Variants in ANKRD46 observed in about 807,000 individuals in gnomAD.
ANKRD46 encodes the protein ankyrin repeat domain 46.
Under a neutral mutation model 19.8 loss-of-function variants are expected in ANKRD46, and 13 were observed. The ratio of observed to expected loss-of-function variants is 0.66; its 90% CI spans 0.43 to 1.04. The LOEUF is 1.04. Ranked by LOEUF, ANKRD46 falls within the 50% of genes least tolerant of loss-of-function variation. ANKRD46 has a pLI of 0.00. For synonymous variants in ANKRD46, 91 were observed against 106.9 expected (o/e 0.85, Z 0.92); for missense variants, 185 against 274.8 (o/e 0.67, Z 2.31).
Position 100,552,144 on chromosome 8 carries a change from T to G in ANKRD46, c.-131+7567A>C, listed in dbSNP as rs573616235. On this transcript the variant is annotated intron_variant, in intron 1 of 4. Transcript: ENST00000335659. ...CAGCCTGGGTGACAGAGTGAGACTC[T>G]GTCTTAAAAAAAAAAAAAAAAAAAA... is the stretch of plus-strand genomic sequence containing the variant. Among the ~76,000 whole-genome samples the G allele has an allele frequency of 1.2e-3, 168 of 140,648 alleles. 1 individual carries two copies. Among genetic ancestry groups the G allele is most frequent in the Non-Finnish European group, 1.8e-3 (119 of 65,840 alleles). The allele number at this position is 140,648 out of a possible 152,430, so 92.3% of individuals were successfully genotyped here.
At chr8:100,522,904 C>CACAT (rs893944274) in intron 4 of ANKRD46, 133 bp from the exon 5 acceptor site, 8 of 305,716 alleles carry the variant, frequency 2.6e-5, no homozygotes, top group East Asian at 7.5e-5. Context: ...CACACACACA[C>CACAT]ATATATATAT....
intron 1 of ANKRD46, among the ~76,000 whole-genome samples, chr8:100,540,198 A>AG: frequency 6.6e-6 from 1 of 151,948 alleles, no homozygotes; most frequent in South Asian, 2.1e-4. Context: ...TCATGAGTAA[A>AG]AAAAAAAAAG....
Position 100,536,067 on chromosome 8 carries a change from A to G in ANKRD46, c.-130-2756T>C, listed in dbSNP as rs547083660. ...ATTTATGGAAGAACCTGTAGGACCAAGCATTTGCAAGGGCACAGGTGGATG... is the reference window on the plus strand; with the variant it reads ...ATTTATGGAAGAACCTGTAGGACCAGGCATTTGCAAGGGCACAGGTGGATG... On this transcript the variant is annotated intron_variant, in intron 1 of 4. Transcript: ENST00000335659. This position sits in a 1 kb window ranked among gnomAD's most constrained non-coding sequence, Gnocchi z 4.9. Among the ~76,000 whole-genome samples the G allele has an allele frequency of 6.6e-6, 1 of 152,222 alleles. No homozygotes were observed. The highest frequency in any genetic ancestry group is 1.5e-5 in the Non-Finnish European group (1 of 68,004).
rs1201359912 is a variant in ANKRD46, at chr8:100,524,369, A to AT, written c.471-1599dup. On this transcript the variant is annotated intron_variant, in intron 4 of 4. Transcript: ENST00000335659. The surrounding 1 kb of genome is among the most constrained non-coding windows in gnomAD (Gnocchi z 4.3). Reference sequence around the variant, plus strand: ...CTATGAATAAACATGCAAAACTGACATTTTTTAACCTACAACTTTATTTTA... The same window carrying AT: ...CTATGAATAAACATGCAAAACTGACATTTTTTTAACCTACAACTTTATTTTA... Among the ~76,000 whole-genome samples the AT allele has an allele frequency of 2.0e-5, 3 of 152,160 alleles. No homozygotes were observed. The highest frequency in any genetic ancestry group is 2.9e-5 in the Non-Finnish European group (2 of 68,022).
downstream of ANKRD46, among the ~76,000 whole-genome samples, chr8:100,518,802 A>T (rs1031113147): frequency 6.6e-6 from 1 of 152,046 alleles, no homozygotes; most frequent in Non-Finnish European, 1.5e-5. Flanking sequence ...CAGTGAGCCA[A>T]GATTGCACCA....
At chr8:100,512,028 C>T in intron 5 of ANKRD46, among the ~76,000 whole-genome samples, 1 of 152,074 alleles carries the variant, frequency 6.6e-6, no homozygotes, top group East Asian at 1.9e-4. Context: ...CCATCTTAAA[C>T]AAACGAACAA....
intron 4 of ANKRD46, among the ~76,000 whole-genome samples, chr8:100,523,825 G>T (rs181577393): frequency 6.6e-6 from 1 of 152,180 alleles, no homozygotes; most frequent in African/African-American, 2.4e-5. Flanking sequence ...TGTATTTTTG[G>T]TAGAGACAGG....
At position 100,545,348 on chromosome 8, in the gene ANKRD46, C is replaced by T. The variant is rs1220949182; in HGVS notation, c.-130-12037G>A. On this transcript the variant is annotated intron_variant, in intron 1 of 4. Transcript: ENST00000335659. The surrounding 1 kb of genome is among the most constrained non-coding windows in gnomAD (Gnocchi z 4.7). ...GGTGAATGGAGCATGGGGGTGGTTA[C>T]CCCCATGCTGTTCTCATGATAGTGA... Among the ~76,000 whole-genome samples, 1 of 151,962 alleles carries T rather than the reference C, an allele frequency of 6.6e-6. No homozygotes were observed. Among genetic ancestry groups the T allele is most frequent in the Non-Finnish European group, 1.5e-5 (1 of 67,974 alleles).
chr8:100,536,329 T>C lies in ANKRD46; in HGVS notation c.-130-3018A>G, dbSNP rs1282220537. On this transcript the variant is annotated intron_variant, in intron 1 of 4. Transcript: ENST00000335659. The surrounding 1 kb of genome is among the most constrained non-coding windows in gnomAD (Gnocchi z 4.9). Reference sequence around the variant, plus strand: ...CTGACTCTCCTGAAAGGCACTACTCTTAGGAGTGTACCATAGAGAGACAAT... The same window carrying C: ...CTGACTCTCCTGAAAGGCACTACTCCTAGGAGTGTACCATAGAGAGACAAT... Among the ~76,000 whole-genome samples, 2 of 152,076 alleles carry C rather than the reference T, an allele frequency of 1.3e-5. No homozygotes were observed. The highest frequency in any genetic ancestry group is 4.8e-5 in the African/African-American group (2 of 41,416).
intron 1 of ANKRD46, among the ~76,000 whole-genome samples, chr8:100,555,310 T>C (rs945289949): frequency 2.7e-5 from 4 of 150,116 alleles, no homozygotes; most frequent in African/African-American, 9.8e-5. Flanking sequence ...GAAAAAATTC[T>C]ACACCAGAAG....
In ANKRD46 at chr8:100,546,092, T is replaced by C. The variant is rs1389419150; in HGVS notation, c.-130-12781A>G. On this transcript the variant is annotated intron_variant, in intron 1 of 4. Coordinates refer to ENST00000335659, the MANE Select transcript of ANKRD46 (RefSeq NM_001270377.2). This position sits in a 1 kb window ranked among gnomAD's most constrained non-coding sequence, Gnocchi z 4.0. ...AAGCAGAGCATAAAAGTTTGGAAAT[T>C]TGCAGCCTGACTGGTAGAAAAGAAA... Among the ~76,000 whole-genome samples, 1 of 152,212 alleles carries C rather than the reference T, an allele frequency of 6.6e-6. No homozygotes were observed. Among genetic ancestry groups the C allele is most frequent in the African/African-American group, 2.4e-5 (1 of 41,452 alleles).
chr8:100,526,723 T>C (rs1022577355), intron 4 of ANKRD46, among the ~76,000 whole-genome samples: 1 of 152,118 alleles, frequency 6.6e-6, no homozygotes, highest in Non-Finnish European at 1.5e-5. Flanking sequence ...GAGCACATCA[T>C]CTGGCACACG....
At position 100,527,053 on chromosome 8, in the gene ANKRD46, G is replaced by A. The variant is rs374443301; in HGVS notation, c.470+792C>T. Among the ~76,000 whole-genome samples the A allele has an allele frequency of 6.6e-6, 1 of 152,108 alleles. No homozygotes were observed. Among genetic ancestry groups the A allele is most frequent in the Non-Finnish European group, 1.5e-5 (1 of 68,002 alleles). On this transcript the variant is annotated intron_variant, in intron 4 of 4. Transcript: ENST00000335659. The surrounding 1 kb of genome is among the most constrained non-coding windows in gnomAD (Gnocchi z 4.0). ...TAATATGCTACTAGAACTAAGTCTG[G>A]CCTATTAACTTTACCTGTTGAGCCC...
downstream of ANKRD46, among the ~76,000 whole-genome samples, chr8:100,517,442 A>G (rs146930711): frequency 1.2e-4 from 18 of 152,320 alleles, no homozygotes; most frequent in East Asian, 3.3e-3. Flanking sequence ...TCCTCCAAGC[A>G]ATATTCTCTA....
chr8:100,540,934 T>C (rs921170292), intron 1 of ANKRD46, among the ~76,000 whole-genome samples: 1 of 151,504 alleles, frequency 6.6e-6, no homozygotes, highest in African/African-American at 2.4e-5. Context: ...AAACTGTTTT[T>C]TTCTAGTTGC....
chr8:100,551,547 G>T, intron 1 of ANKRD46: 1 of 794,886 alleles, frequency 1.3e-6, no homozygotes, highest in South Asian at 1.3e-5. Flanking sequence ...ACGGTGTGGT[G>T]GAATTTGCCA....
rs1812248060 is a variant in ANKRD46 at position 100,545,186 on chromosome 8, G to A, written c.-130-11875C>T. On this transcript the variant is annotated intron_variant, in intron 1 of 4. Coordinates refer to ENST00000335659, the MANE Select transcript of ANKRD46 (RefSeq NM_001270377.2). This position sits in a 1 kb window ranked among gnomAD's most constrained non-coding sequence, Gnocchi z 4.7. Reference sequence around the variant, plus strand: ...AAATATACATATATAAAAGTTAGGTGTGGTGACGTGCACCTGTAGTCCCAG... The same window carrying A: ...AAATATACATATATAAAAGTTAGGTATGGTGACGTGCACCTGTAGTCCCAG... Among the ~76,000 whole-genome samples the A allele has an allele frequency of 6.6e-6, 1 of 152,158 alleles. No individual in the cohort carries two copies. Among genetic ancestry groups the A allele is most frequent in the Non-Finnish European group, 1.5e-5 (1 of 68,018 alleles).
intron 1 of ANKRD46, among the ~76,000 whole-genome samples, chr8:100,547,099 G>A (rs552812379): frequency 1.2e-4 from 19 of 152,336 alleles, no homozygotes; most frequent in African/African-American, 4.6e-4. Flanking sequence ...ACTGGAATGA[G>A]TTAAGACTTT....
At chr8:100,515,925 G>A (rs2130630273), downstream of ANKRD46, among the ~76,000 whole-genome samples, 1 of 150,672 alleles carries the variant, frequency 6.6e-6, no homozygotes, top group African/African-American at 2.4e-5. Context: ...AGGCTGGAGT[G>A]CAATGGCATG....
Sources: allele counts gnomAD v4.1 joint callset (sites outside exome capture counted in the v4.1 genomes callset), GRCh38; gene constraint gnomAD v4.1.1; non-coding constraint Gnocchi (gnomAD v3.1); transcripts MANE v1.5; gene names NCBI Gene and HGNC (gene_info 2026-07-23, HGNC 2026-07-21).